MYO16: variants seen among roughly 807,000 people sequenced by gnomAD.
MYO16 encodes unconventional myosin-XVI.
A neutral mutation model predicts 205.3 loss-of-function variants in MYO16; 94 were observed. The ratio of observed to expected loss-of-function variants is 0.46; its 90% confidence interval spans 0.39 to 0.54. MYO16 has a LOEUF of 0.54. MYO16 is among the 20% of genes least tolerant of loss of function. MYO16 has a pLI of 0.00. For missense variants in MYO16, 2,315 were observed against 2,387.5 expected (o/e 0.97, Z 0.63); for synonymous variants, 988 against 954.0 (o/e 1.04, Z -0.66).
chr13:108,615,250 G>A (rs1879308942), intron 1 of MYO16, among the ~76,000 whole-genome samples: 1 of 152,002 alleles, frequency 6.6e-6, no homozygotes, highest in Non-Finnish European at 1.5e-5. Context: ...CCTACAATGA[G>A]ATAAACTTCA....
At chr13:109,030,928 GTCTT>G (rs1178678373) in intron 23 of MYO16, among the ~76,000 whole-genome samples, 1 of 152,078 alleles carries the variant, frequency 6.6e-6, no homozygotes, top group African/African-American at 2.4e-5. Flanking sequence ...ACAAGCTACT[GTCTT>G]TCTTATTTAA....
At chr13:108,535,371 G>T in the MYO16 span, among the ~76,000 whole-genome samples, 3 of 152,134 alleles carry the variant, frequency 2.0e-5, no homozygotes, top group African/African-American at 7.2e-5. Flanking sequence ...GACATGCACA[G>T]CCTGGGGCTG....
At position 108,731,230 on chromosome 13, in the gene MYO16, G is replaced by A. The variant is rs375264497; in HGVS notation, c.507+3647G>A. Among the ~76,000 whole-genome samples, 79 of 152,330 alleles carry A rather than the reference G, an allele frequency of 5.2e-4. No homozygotes were observed. The South Asian group carries it at 0.016, about 30-fold the overall frequency. The stretch of plus-strand genomic sequence containing the variant: ...TTAGCACATGCATGCATTGCTGTTT[G>A]TTAAAACGGTGCCTAGCACTTGATA... On this transcript the variant is annotated intron_variant, in intron 4 of 34. Coordinates refer to ENST00000457511, the MANE Select transcript of MYO16 (RefSeq NM_001198950.3).
chr13:108,855,913 G>T (rs1476736578), intron 11 of MYO16, among the ~76,000 whole-genome samples: 1 of 152,196 alleles, frequency 6.6e-6, no homozygotes, highest in Non-Finnish European at 1.5e-5. Context: ...GAACCTGCTA[G>T]ATCAGGAACA....
At chr13:108,894,854 C>G (rs1880336975) in intron 14 of MYO16, among the ~76,000 whole-genome samples, 1 of 152,084 alleles carries the variant, frequency 6.6e-6, no homozygotes, top group Non-Finnish European at 1.5e-5. Context: ...GTTTCTAACC[C>G]CTGCATTTGA....
At chr13:108,946,783 C>T (rs1474134323) in intron 16 of MYO16, among the ~76,000 whole-genome samples, 2 of 151,930 alleles carry the variant, frequency 1.3e-5, no homozygotes, top group African/African-American at 2.4e-5. Flanking sequence ...GCTCTGTCAC[C>T]CAGGCTTGAG....
intron 16 of MYO16, among the ~76,000 whole-genome samples, chr13:108,956,811 T>C (rs1348088937): frequency 1.3e-5 from 2 of 152,108 alleles, no homozygotes; most frequent in Non-Finnish European, 2.9e-5. Flanking sequence ...CTAGACTCTA[T>C]CTCTCTGATT....
At chr13:108,837,601 CTG>C (rs1374442922) in intron 9 of MYO16, among the ~76,000 whole-genome samples, 1 of 152,170 alleles carries the variant, frequency 6.6e-6, no homozygotes, top group Non-Finnish European at 1.5e-5. Context: ...AAAGGTGAAA[CTG>C]TGACCCAGAG....
chr13:108,689,025 A>G (rs1039856554), intron 2 of MYO16, among the ~76,000 whole-genome samples: 2 of 152,196 alleles, frequency 1.3e-5, no homozygotes. Context: ...CACTGTAAGT[A>G]TGTATTGTCT....
intron 9 of MYO16, among the ~76,000 whole-genome samples, chr13:108,823,710 A>C (rs893386525): frequency 2.0e-5 from 3 of 152,140 alleles, no homozygotes; most frequent in Non-Finnish European, 4.4e-5. Flanking sequence ...TGCATTGAAA[A>C]TATCAAATGG....
chr13:108,665,765 AAGG>A (rs1359284713), intron 1 of MYO16, 118 bp from the exon 2 acceptor site: 8 of 1,047,040 alleles, frequency 7.6e-6, no homozygotes, highest in Non-Finnish European at 1.0e-5. Flanking sequence ...TATCAAGTGC[AAGG>A]AGAATTGTTG....
chr13:108,799,851 T>C (rs1050451288), intron 6 of MYO16, among the ~76,000 whole-genome samples: 52 of 152,052 alleles, frequency 3.4e-4, no homozygotes, highest in Admixed American at 2.9e-3. Flanking sequence ...CTTACTAAAC[T>C]CCACTGAAGT....
the MYO16 span, among the ~76,000 whole-genome samples, chr13:108,551,927 C>T: frequency 6.6e-6 from 1 of 152,120 alleles, no homozygotes; most frequent in Non-Finnish European, 1.5e-5. Flanking sequence ...CAAATTAAAA[C>T]GAATGAGTCA....
intron 16 of MYO16, among the ~76,000 whole-genome samples, chr13:108,925,580 C>G (rs2139276054): frequency 6.6e-6 from 1 of 152,312 alleles, no homozygotes; most frequent in African/African-American, 2.4e-5. Flanking sequence ...CCCACCAAGT[C>G]TTCCCTGTCC....
the MYO16 span, among the ~76,000 whole-genome samples, chr13:108,589,971 C>T: frequency 0.027 from 4,054 of 152,234 alleles, 172 homozygotes; most frequent in African/African-American, 0.091. Context: ...TTCATATGTA[C>T]TTTCCTCTTT....
At chr13:108,738,167 C>A (rs148024490) in intron 4 of MYO16, among the ~76,000 whole-genome samples, 1 of 103,250 alleles carries the variant, frequency 9.7e-6, no homozygotes, top group African/African-American at 3.4e-5. Context: ...TTATCTCTTG[C>A]GTTCTGCTAG....
At chr13:108,750,712 CG>C (rs1885208483) in intron 4 of MYO16, among the ~76,000 whole-genome samples, 1 of 151,786 alleles carries the variant, frequency 6.6e-6, no homozygotes, top group Non-Finnish European at 1.5e-5. Flanking sequence ...GAGGCTGAGG[CG>C]GGGGAATCGT....
In MYO16 at chr13:108,701,284, C is replaced by T. The variant is rs185304363; in HGVS notation, c.293-11377C>T. Among the ~76,000 whole-genome samples the T allele has an allele frequency of 3.8e-3, 583 of 152,076 alleles. 3 individuals are homozygous for T. The highest frequency in any genetic ancestry group is 2.4e-3 in the Non-Finnish European group (162 of 67,998). The stretch of plus-strand genomic sequence containing the variant: ...GTGCTATGTTTGGAATGTTTGTCAC[C>T]CCCCTGCAAACTCATGTTAAAATTT... On this transcript the variant is annotated intron_variant, in intron 2 of 34. Transcript: ENST00000457511.
the MYO16 span, among the ~76,000 whole-genome samples, chr13:108,540,783 G>A: frequency 6.6e-5 from 10 of 152,100 alleles, no homozygotes; most frequent in Non-Finnish European, 1.5e-4. Flanking sequence ...ACAGTTTGAA[G>A]AGCTTAGTTG....
Sources: gnomAD v4.1 joint callset for allele counts (sites outside exome capture counted in the v4.1 genomes callset) on GRCh38, gnomAD v4.1.1 for gene constraint, MANE v1.5 for transcripts, NCBI Gene and HGNC (gene_info 2026-07-23, HGNC 2026-07-21) for gene names.